EXOC4: variants seen among roughly 807,000 people sequenced by gnomAD.
EXOC4 encodes the protein exocyst complex component 4, also known as SEC8-like 1.
A neutral mutation model predicts 107.2 loss-of-function variants in EXOC4; 71 were observed. That is an observed-to-expected ratio of 0.66 (90% CI 0.55 to 0.81). The LOEUF is 0.81. EXOC4 is among the 30% of genes least tolerant of loss of function. The probability of loss-of-function intolerance (pLI) is 0.00; values close to 1 mark genes in which losing one functional copy is unlikely to be tolerated. For synonymous variants in EXOC4, 456 were observed against 441.2 expected (o/e 1.03, Z -0.42); for missense variants, 1,108 against 1,189.6 (o/e 0.93, Z 1.01).
chr7:133,502,888 G>A (rs1799599988), intron 9 of EXOC4, among the ~76,000 whole-genome samples: 1 of 152,100 alleles, frequency 6.6e-6, no homozygotes, highest in Admixed American at 6.6e-5. Context: ...AAACTCATAT[G>A]CATCTCTTCT....
At chr7:133,637,153 G>A (rs1802732862) in intron 10 of EXOC4, among the ~76,000 whole-genome samples, 2 of 152,170 alleles carry the variant, frequency 1.3e-5, no homozygotes, top group Admixed American at 1.3e-4. Context: ...AGGTGATTAT[G>A]CTATTAACTA....
intron 7 of EXOC4, among the ~76,000 whole-genome samples, chr7:133,426,015 A>T (rs933593509): frequency 6.6e-6 from 1 of 152,348 alleles, no homozygotes; most frequent in South Asian, 2.1e-4. Context: ...CACCTTGGGC[A>T]CGTGTTCTCA....
chr7:133,275,298 G>C (rs1029755177), intron 2 of EXOC4, 127 bp downstream of exon 2: 9 of 714,972 alleles, frequency 1.3e-5, no homozygotes, highest in Non-Finnish European at 1.9e-5. Context: ...CTTTTCAGGA[G>C]TTCTGCAGGT....
At chr7:133,711,007 G>A (rs1342450550) in intron 10 of EXOC4, among the ~76,000 whole-genome samples, 2 of 152,032 alleles carry the variant, frequency 1.3e-5, no homozygotes, top group African/African-American at 4.8e-5. Flanking sequence ...AGTTCAAGGG[G>A]TGAGAGATGT....
chr7:133,709,305 A>G (rs1395513635), intron 10 of EXOC4, among the ~76,000 whole-genome samples: 2 of 152,234 alleles, frequency 1.3e-5, no homozygotes, highest in African/African-American at 4.8e-5. Context: ...AGGAGGAAGA[A>G]AAGATAAAAA....
chr7:133,899,895 G>A (rs1799413376), intron 12 of EXOC4, among the ~76,000 whole-genome samples: 1 of 151,928 alleles, frequency 6.6e-6, no homozygotes, highest in South Asian at 2.1e-4. Context: ...ACAGGCACAA[G>A]CCACCATGCC....
downstream of EXOC4, among the ~76,000 whole-genome samples, chr7:134,070,518 C>G (rs12539865): frequency 1.3e-5 from 2 of 151,966 alleles, no homozygotes; most frequent in African/African-American, 2.4e-5. Context: ...CTGGAAATTT[C>G]TTTAAAAGTG....
intron 4 of EXOC4, among the ~76,000 whole-genome samples, chr7:133,308,614 G>T (rs73436985): frequency 0.02 from 3,065 of 152,148 alleles, 113 homozygotes; most frequent in African/African-American, 0.071. Flanking sequence ...AGACAGAGGG[G>T]ATCAGAAGCA....
intron 10 of EXOC4, among the ~76,000 whole-genome samples, chr7:133,690,047 T>C (rs1341689835): frequency 6.6e-6 from 1 of 152,192 alleles, no homozygotes; most frequent in Non-Finnish European, 1.5e-5. Flanking sequence ...GGAACTTCTT[T>C]ATCATGCCAG....
At chr7:133,647,156 G>T (rs760606099) in intron 10 of EXOC4, among the ~76,000 whole-genome samples, 1 of 152,114 alleles carries the variant, frequency 6.6e-6, no homozygotes, top group East Asian at 1.9e-4. Flanking sequence ...CTTGTCCCTA[G>T]AAATAGTAAT....
At chr7:133,966,434 C>A (rs1274823583) in intron 14 of EXOC4, among the ~76,000 whole-genome samples, 1 of 152,118 alleles carries the variant, frequency 6.6e-6, no homozygotes, top group African/African-American at 2.4e-5. Flanking sequence ...CCAGCTTTTG[C>A]CTATTCAATA....
chr7:133,407,250 C>T (rs1366325559), intron 7 of EXOC4, among the ~76,000 whole-genome samples: 1 of 152,112 alleles, frequency 6.6e-6, no homozygotes, highest in Non-Finnish European at 1.5e-5. Flanking sequence ...ATAAGAATCC[C>T]CCTACTCTTA....
intron 7 of EXOC4, among the ~76,000 whole-genome samples, chr7:133,419,060 C>T (rs1797543862): frequency 6.6e-6 from 1 of 151,992 alleles, no homozygotes; most frequent in Admixed American, 6.6e-5. Flanking sequence ...TGTTGTACAG[C>T]AGAGGAAATA....
chr7:133,916,395 T>C (rs1225770410), intron 12 of EXOC4, among the ~76,000 whole-genome samples: 2 of 152,212 alleles, frequency 1.3e-5, no homozygotes, highest in African/African-American at 4.8e-5. Context: ...CTATGTTACC[T>C]TAAGTCAGTC....
At chr7:133,438,407 C>G (rs550517376) in intron 7 of EXOC4, among the ~76,000 whole-genome samples, 15 of 152,180 alleles carry the variant, frequency 9.9e-5, no homozygotes, top group Admixed American at 3.3e-4. Flanking sequence ...GATTTTGTCT[C>G]TTATTTCTCT....
At chr7:133,973,342 G>C (rs1793744003) in intron 14 of EXOC4, among the ~76,000 whole-genome samples, 1 of 152,150 alleles carries the variant, frequency 6.6e-6, no homozygotes, top group Non-Finnish European at 1.5e-5. Context: ...GTGTCTTGAA[G>C]GGTAAATAGT....
chr7:133,426,506 T>A (rs1353890096), intron 7 of EXOC4, among the ~76,000 whole-genome samples: 1 of 152,240 alleles, frequency 6.6e-6, no homozygotes, highest in African/African-American at 2.4e-5. Context: ...TTTGGATGTT[T>A]ATGGCAAATT....
intron 14 of EXOC4, 71 bp from the exon 15 acceptor site, chr7:133,997,421 A>G: frequency 6.4e-7 from 1 of 1,571,688 alleles, no homozygotes; most frequent in South Asian, 1.1e-5. Flanking sequence ...TGAACAGCAA[A>G]ATAATATGTC....
At chr7:134,042,199 G>A (rs10226177) in intron 17 of EXOC4, among the ~76,000 whole-genome samples, 26,795 of 152,178 alleles carry the variant, frequency 0.18, 2,702 homozygotes, top group East Asian at 0.42. Context: ...GCGACTTTAA[G>A]TAATCATTTT....
Sources: allele counts gnomAD v4.1 joint callset (sites outside exome capture counted in the v4.1 genomes callset), GRCh38; gene constraint gnomAD v4.1.1; transcripts MANE v1.5; gene names NCBI Gene and HGNC (gene_info 2026-07-23, HGNC 2026-07-21).